FSTL5: variants seen among roughly 807,000 people sequenced by gnomAD.
FSTL5 encodes the protein follistatin-related protein 5.
Under a neutral mutation model 89.1 loss-of-function variants are expected in FSTL5, and 62 were observed. That is an observed-to-expected ratio of 0.70 (90% CI 0.57 to 0.86). The LOEUF is 0.86. FSTL5 is among the 40% of genes least tolerant of loss of function. The probability of loss-of-function intolerance (pLI) is 0.00; values close to 1 mark genes in which losing one functional copy is unlikely to be tolerated. For missense variants in FSTL5, 1,057 were observed against 1,001.6 expected (o/e 1.06, Z -0.75); for synonymous variants, 383 against 346.2 (o/e 1.11, Z -1.18).
intron 6 of FSTL5, among the ~76,000 whole-genome samples, chr4:161,715,886 T>C (rs1200576756): frequency 6.6e-6 from 1 of 152,254 alleles, no homozygotes; most frequent in Admixed American, 6.5e-5. Flanking sequence ...TAGCCCGTAG[T>C]AGTGCCGAAA....
chr4:162,029,906 CT>C (rs67266989), intron 3 of FSTL5, among the ~76,000 whole-genome samples: 31,099 of 140,034 alleles, frequency 0.22, 3,850 homozygotes, highest in Non-Finnish European at 0.29. Flanking sequence ...AAATTATTTC[CT>C]TTTTTTTTTT....
intron 15 of FSTL5, among the ~76,000 whole-genome samples, chr4:161,419,259 T>G (rs770216644): frequency 6.6e-6 from 1 of 152,184 alleles, no homozygotes; most frequent in Non-Finnish European, 1.5e-5. Flanking sequence ...TGCCCAGCCT[T>G]TGTAATCATT....
intron 2 of FSTL5, among the ~76,000 whole-genome samples, chr4:162,085,372 A>C (rs1001172439): frequency 6.6e-6 from 1 of 152,140 alleles, no homozygotes; most frequent in African/African-American, 2.4e-5. Flanking sequence ...TAAATCACTA[A>C]AAAAGTACTT....
intron 13 of FSTL5, among the ~76,000 whole-genome samples, chr4:161,462,430 G>A (rs537239616): frequency 5.3e-5 from 8 of 152,140 alleles, no homozygotes; most frequent in Non-Finnish European, 1.5e-5. Context: ...AATCCTAATG[G>A]AGAATCACTG....
intron 2 of FSTL5, among the ~76,000 whole-genome samples, chr4:162,065,522 C>A (rs759901705): frequency 3.3e-5 from 5 of 151,730 alleles, no homozygotes; most frequent in African/African-American, 1.2e-4. Context: ...CTAGTACATG[C>A]GAGCATAGCT....
chr4:161,631,434 T>C (rs1048895616), intron 7 of FSTL5, among the ~76,000 whole-genome samples: 2 of 152,094 alleles, frequency 1.3e-5, no homozygotes, highest in African/African-American at 4.8e-5. Context: ...CTGGCCAATA[T>C]GGCAAAAACC....
chr4:161,650,432 A>G (rs1489969062), intron 7 of FSTL5, among the ~76,000 whole-genome samples: 1 of 152,206 alleles, frequency 6.6e-6, no homozygotes, highest in Non-Finnish European at 1.5e-5. Context: ...AAATATTTAT[A>G]GTATATCTGA....
chr4:161,826,791 C>T (rs1406137200), intron 4 of FSTL5, among the ~76,000 whole-genome samples: 3 of 152,080 alleles, frequency 2.0e-5, no homozygotes, highest in Admixed American at 6.6e-5. Flanking sequence ...CCTTATGTGT[C>T]AGGTGAGTCT....
intron 6 of FSTL5, among the ~76,000 whole-genome samples, chr4:161,661,524 T>G (rs1736710445): frequency 6.6e-6 from 1 of 152,154 alleles, no homozygotes; most frequent in African/African-American, 2.4e-5. Flanking sequence ...ATGGAATAAA[T>G]TAGTTATTCT....
chr4:161,489,161 A>G (rs546702900), intron 12 of FSTL5, among the ~76,000 whole-genome samples: 76 of 152,292 alleles, frequency 5.0e-4, no homozygotes, highest in African/African-American at 1.7e-3. Context: ...CTTACAGAAC[A>G]TAAAAACCAA....
chr4:162,059,794 T>G (rs1738662893), intron 2 of FSTL5, among the ~76,000 whole-genome samples: 1 of 152,128 alleles, frequency 6.6e-6, no homozygotes, highest in Non-Finnish European at 1.5e-5. Flanking sequence ...AAGTGGACTC[T>G]GTGGGAAAAG....
At position 161,481,117 on chromosome 4, in the gene FSTL5, G is replaced by A. The variant is rs1383528946; in HGVS notation, c.1511C>T (p.Ala504Val). 4.3e-6 allele frequency: 7 copies of A among 1,612,536 alleles called. No individual in the cohort carries two copies. Residue 504 changes from alanine (A) to valine (V), a missense_variant, in exon 13 of 16, where the codon GCA (alanine) becomes GTA (valine). By Grantham distance (64) the Ala-to-Val change is moderately conservative. Transcript: ENST00000306100. Reference protein sequence around the residue: ...EGDEVQRCVWASAVNVKDKFI... With the variant: ...EGDEVQRCVWVSAVNVKDKFI... Reference sequence around the variant, plus strand: ...CTTGTCTTTGACATTAACAGCTGATGCCCACACACACCTCTGAACTTCATC... The same window carrying A: ...CTTGTCTTTGACATTAACAGCTGATACCCACACACACCTCTGAACTTCATC...
At chr4:161,699,018 C>A (rs979293409) in intron 6 of FSTL5, among the ~76,000 whole-genome samples, 1 of 151,796 alleles carries the variant, frequency 6.6e-6, no homozygotes, top group African/African-American at 2.4e-5. Context: ...TAATTACCAG[C>A]AATAAAAATG....
At chr4:161,468,003 A>G (rs937963312) in intron 13 of FSTL5, among the ~76,000 whole-genome samples, 1 of 152,150 alleles carries the variant, frequency 6.6e-6, no homozygotes, top group African/African-American at 2.4e-5. Context: ...TTTTCATTCC[A>G]TATACTCAGG....
intron 7 of FSTL5, among the ~76,000 whole-genome samples, chr4:161,588,048 C>A (rs1166197713): frequency 6.6e-6 from 1 of 152,078 alleles, no homozygotes; most frequent in Non-Finnish European, 1.5e-5. Flanking sequence ...GTGGCACACA[C>A]CTGTAGTCCC....
chr4:161,656,891 CT>C (rs11351714), intron 6 of FSTL5, among the ~76,000 whole-genome samples: 65,882 of 151,840 alleles, frequency 0.43, 14,303 homozygotes, highest in African/African-American at 0.44. Context: ...TCACTGCTGG[CT>C]TGCAGTAGAC....
intron 2 of FSTL5, among the ~76,000 whole-genome samples, chr4:162,097,258 G>A (rs988190192): frequency 1.3e-5 from 2 of 148,226 alleles, no homozygotes; most frequent in African/African-American, 4.8e-5. Context: ...CAATAGAGGA[G>A]AGGAATTTCC....
chr4:161,802,733 A>T (rs1729838319), intron 4 of FSTL5, among the ~76,000 whole-genome samples: 1 of 151,684 alleles, frequency 6.6e-6, no homozygotes, highest in African/African-American at 2.4e-5. Context: ...TGAACAGAGG[A>T]GCTCCATTTA....
At chr4:161,467,090 T>G (rs1275492938) in intron 13 of FSTL5, among the ~76,000 whole-genome samples, 1 of 152,066 alleles carries the variant, frequency 6.6e-6, no homozygotes, top group African/African-American at 2.4e-5. Context: ...AAAGAAAACT[T>G]CAAAGTTTAC....
Sources: allele counts gnomAD v4.1 joint callset (sites outside exome capture counted in the v4.1 genomes callset), GRCh38; gene constraint gnomAD v4.1.1; transcripts MANE v1.5; gene names NCBI Gene and HGNC (gene_info 2026-07-23, HGNC 2026-07-21).